The following SCMH1 variants were observed in gnomAD, a reference collection of about 807,000 sequenced individuals.
SCMH1 encodes Scm polycomb group protein homolog 1, also known as polycomb protein SCMH1.
In SCMH1, 37 loss-of-function variants were observed where a neutral mutation model predicts 70.8. The observed-to-expected ratio is 0.52, with a 90% CI of 0.40 to 0.69. The LOEUF (loss-of-function observed/expected upper bound fraction) is 0.69, where lower values mean the gene tolerates loss of function less well. SCMH1 is among the 30% of genes least tolerant of loss of function. The pLI is 0.00. For missense variants in SCMH1, 607 were observed against 827.3 expected (o/e 0.73, Z 3.27); for synonymous variants, 292 against 307.4 (o/e 0.95, Z 0.52).
intron 2 of SCMH1, among the ~76,000 whole-genome samples, chr1:41,174,136 A>G (rs1281246983): frequency 6.6e-6 from 1 of 152,214 alleles, no homozygotes; most frequent in African/African-American, 2.4e-5. Flanking sequence ...GGATTGATAT[A>G]CTAATTACCA....
intron 8 of SCMH1, among the ~76,000 whole-genome samples, chr1:41,103,694 C>T (rs748064343): frequency 1.3e-5 from 2 of 152,156 alleles, no homozygotes; most frequent in Non-Finnish European, 2.9e-5. Flanking sequence ...TTGAGAGATG[C>T]CAATTGTTTC....
exon 15 of SCMH1, chr1:41,027,917 C>A: frequency 2.4e-6 from 1 of 424,626 alleles, no homozygotes; most frequent in Non-Finnish European, 4.2e-6. Flanking sequence ...TGGTGAGAGG[C>A]CAGCCAGGGT....
At chr1:41,073,748 G>A (rs1411570079) in intron 9 of SCMH1, among the ~76,000 whole-genome samples, 1 of 151,124 alleles carries the variant, frequency 6.6e-6, no homozygotes, top group Non-Finnish European at 1.5e-5. Context: ...GGTACCACAG[G>A]AGAAAAAAAA....
At chr1:41,102,175 G>A (rs1025970502) in intron 8 of SCMH1, among the ~76,000 whole-genome samples, 1 of 151,372 alleles carries the variant, frequency 6.6e-6, no homozygotes, top group Non-Finnish European at 1.5e-5. Flanking sequence ...GCACACGCAT[G>A]TGTGTGTGTG....
chr1:41,182,659 C>T (rs1028050140), intron 2 of SCMH1, among the ~76,000 whole-genome samples: 2 of 151,884 alleles, frequency 1.3e-5, no homozygotes, highest in African/African-American at 4.8e-5. Flanking sequence ...TGCAGTGAGC[C>T]AGGATTACGT....
intron 2 of SCMH1, among the ~76,000 whole-genome samples, chr1:41,185,010 C>A (rs1649790151): frequency 6.6e-6 from 1 of 152,120 alleles, no homozygotes; most frequent in East Asian, 1.9e-4. Context: ...ATATCTAGGT[C>A]AATACAATGA....
At chr1:41,071,208 T>C (rs1191964205) in intron 9 of SCMH1, among the ~76,000 whole-genome samples, 1 of 152,238 alleles carries the variant, frequency 6.6e-6, no homozygotes, top group Non-Finnish European at 1.5e-5. Context: ...CCTATTCTAC[T>C]AAATCTCTAT....
intron 6 of SCMH1, among the ~76,000 whole-genome samples, chr1:41,141,729 C>G (rs574589444): frequency 1.3e-5 from 2 of 152,194 alleles, no homozygotes; most frequent in South Asian, 4.1e-4. Flanking sequence ...CAGATAAGAA[C>G]TTGTAGATTT....
intron 2 of SCMH1, among the ~76,000 whole-genome samples, chr1:41,166,773 T>C (rs1646437322): frequency 1.3e-5 from 2 of 152,160 alleles, no homozygotes; most frequent in Admixed American, 6.5e-5. Context: ...ATATGTAAGA[T>C]CATGTTGTCA....
chr1:41,166,933 A>C (rs570487611), intron 2 of SCMH1, among the ~76,000 whole-genome samples: 3 of 152,202 alleles, frequency 2.0e-5, no homozygotes, highest in African/African-American at 7.2e-5. Flanking sequence ...GTCTTATAGG[A>C]AAAGCCTTCA....
intron 8 of SCMH1, among the ~76,000 whole-genome samples, chr1:41,091,038 C>A (rs1213671321): frequency 8.3e-6 from 1 of 119,934 alleles, no homozygotes; most frequent in Non-Finnish European, 1.8e-5. Flanking sequence ...GACTCCGTGT[C>A]AAAAAAAAAA....
chr1:41,222,877 G>A (rs1659573618), intron 1 of SCMH1, among the ~76,000 whole-genome samples: 1 of 152,212 alleles, frequency 6.6e-6, no homozygotes, highest in African/African-American at 2.4e-5. Flanking sequence ...GATTTCTGAT[G>A]ATAGGGTAAT....
chr1:41,057,838 A>C (rs948171746), intron 10 of SCMH1, among the ~76,000 whole-genome samples: 2 of 152,098 alleles, frequency 1.3e-5, no homozygotes, highest in African/African-American at 2.4e-5. Flanking sequence ...AACAGAAATA[A>C]AGAATGGGCT....
At chr1:41,138,348 T>G (rs1278690164) in intron 6 of SCMH1, among the ~76,000 whole-genome samples, 2 of 152,226 alleles carry the variant, frequency 1.3e-5, no homozygotes, top group East Asian at 3.8e-4. Flanking sequence ...GTTTTCTTAT[T>G]TAAGTGTTAA....
intron 8 of SCMH1, among the ~76,000 whole-genome samples, chr1:41,084,893 TGC>T (rs1207202635): frequency 6.8e-6 from 1 of 146,914 alleles, no homozygotes; most frequent in Non-Finnish European, 1.5e-5. Context: ...AACCAAACAC[TGC>T]ATATTCTCAC....
chr1:41,102,847 A>G (rs1557444573), intron 8 of SCMH1, among the ~76,000 whole-genome samples: 1 of 152,266 alleles, frequency 6.6e-6, no homozygotes, highest in Non-Finnish European at 1.5e-5. Context: ...GTGAGAAAGC[A>G]CCTGCTAGTC....
At chr1:41,180,401 A>G (rs1005112163) in intron 2 of SCMH1, among the ~76,000 whole-genome samples, 4 of 152,336 alleles carry the variant, frequency 2.6e-5, no homozygotes, top group African/African-American at 9.6e-5. Context: ...AGGGTATTCA[A>G]TTAGGAAAAG....
chr1:41,213,097 TTCA>T (rs1387806075), intron 1 of SCMH1, among the ~76,000 whole-genome samples: 3 of 152,122 alleles, frequency 2.0e-5, no homozygotes, highest in African/African-American at 7.2e-5. Flanking sequence ...GTAAATAAAA[TTCA>T]TCAGAGGTAA....
intron 1 of SCMH1, among the ~76,000 whole-genome samples, chr1:41,240,437 T>C (rs1663272177): frequency 6.6e-6 from 1 of 152,204 alleles, no homozygotes; most frequent in South Asian, 2.1e-4. Context: ...ATAGTAATTT[T>C]GGGCCTCCTG....
Sources: allele counts gnomAD v4.1 joint callset (sites outside exome capture counted in the v4.1 genomes callset), GRCh38; gene constraint gnomAD v4.1.1; transcripts MANE v1.5; gene names NCBI Gene and HGNC (gene_info 2026-07-23, HGNC 2026-07-21).